METTL22: variants seen among roughly 807,000 people sequenced by gnomAD.
The protein encoded by METTL22 is methyltransferase 22, Kin17 lysine, also known as methyltransferase-like protein 22.
Under a neutral mutation model 48.4 loss-of-function variants are expected in METTL22, and 51 were observed. The ratio of observed to expected loss-of-function variants is 1.05; its 90% CI spans 0.84 to 1.33. The LOEUF is 1.33. METTL22 is among the 40% of genes most tolerant of loss of function. The pLI is 0.00. For synonymous variants in METTL22, 255 were observed against 214.1 expected, an observed-to-expected ratio of 1.19 and a Z score of -1.67; for missense variants, 678 against 526.9, an observed-to-expected ratio of 1.29 and a Z score of -2.81.
the METTL22 span, among the ~76,000 whole-genome samples, chr16:8,665,259 C>A: frequency 2.0e-5 from 3 of 152,140 alleles, no homozygotes; most frequent in Non-Finnish European, 4.4e-5. Context: ...TGAGCCAAGA[C>A]CGCACTGCAG....
chr16:8,660,780 T>TGGAGGTGGAGGAGGA, the METTL22 span, among the ~76,000 whole-genome samples: 1 of 15,746 alleles, frequency 6.4e-5, no homozygotes, highest in African/African-American at 1.5e-4. Context: ...GGGCAAGTCT[T>TGGAGGTGGAGGAGGA]GGAGGAGGAG....
intron 2 of METTL22, among the ~76,000 whole-genome samples, chr16:8,627,863 C>T (rs2056114757): frequency 6.6e-6 from 1 of 152,198 alleles, no homozygotes; most frequent in South Asian, 2.1e-4. Context: ...CCTCCCATCT[C>T]AGCCTCCCAA....
intron 6 of METTL22, among the ~76,000 whole-genome samples, chr16:8,640,490 C>T (rs376870193): frequency 2.2e-5 from 3 of 137,818 alleles, no homozygotes; most frequent in Admixed American, 7.5e-5. Context: ...GAAGAATGGA[C>T]GGATGGATGG....
At chr16:8,650,642 T>A (rs2056881105), downstream of METTL22, among the ~76,000 whole-genome samples, 1 of 152,248 alleles carries the variant, frequency 6.6e-6, no homozygotes, top group African/African-American at 2.4e-5. Flanking sequence ...AGGTGGTGAA[T>A]ACCTCAAATA....
the METTL22 span, among the ~76,000 whole-genome samples, chr16:8,657,353 C>T: frequency 6.6e-6 from 1 of 151,962 alleles, no homozygotes; most frequent in Non-Finnish European, 1.5e-5. Flanking sequence ...ATAATTTGTG[C>T]GTAGTTAAAT....
intron 9 of METTL22, among the ~76,000 whole-genome samples, chr16:8,643,677 G>A (rs569991754): frequency 1.1e-4 from 17 of 152,188 alleles, no homozygotes; most frequent in South Asian, 2.1e-4. Flanking sequence ...GTGATGGTGC[G>A]ATCTCGGCTC....
Position 8,649,296 on chromosome 16 carries a change from T to C in METTL22, c.*3153T>C, listed in dbSNP as rs2056857105. 6.6e-6 allele frequency: 1 copy of C among 152,202 alleles called. No individual in the cohort carries two copies. The highest frequency in any genetic ancestry group is 2.1e-4 in the South Asian group (1 of 4,832). 9.4% of individuals were successfully genotyped at this position (152,202 alleles called of 1,614,324 possible). ...TTCCCAGAGTGGGAGCGCGCCCCCA[T>C]TGCCATGTTTTATGGCCTTGTTTGA... On this transcript the variant is annotated 3_prime_UTR_variant, in exon 11 of 11. Transcript: ENST00000381920.
intron 5 of METTL22, among the ~76,000 whole-genome samples, chr16:8,636,380 C>G (rs939553200): frequency 6.6e-6 from 1 of 152,036 alleles, no homozygotes; most frequent in Admixed American, 6.6e-5. Flanking sequence ...ACTAAAAATA[C>G]AAGAATTAAC....
intron 6 of METTL22, among the ~76,000 whole-genome samples, chr16:8,639,964 C>T (rs1281118022): frequency 1.3e-5 from 2 of 152,146 alleles, no homozygotes; most frequent in African/African-American, 2.4e-5. Flanking sequence ...TTCCCTCTGC[C>T]TGAGTGCTCT....
chr16:8,627,114 A>C (rs938826675), intron 2 of METTL22, among the ~76,000 whole-genome samples: 1 of 151,920 alleles, frequency 6.6e-6, no homozygotes, highest in African/African-American at 2.4e-5. Context: ...TCTCCCACTG[A>C]GTTCACTGCT....
downstream of METTL22, among the ~76,000 whole-genome samples, chr16:8,652,691 T>A (rs1465858230): frequency 6.6e-6 from 1 of 151,554 alleles, no homozygotes; most frequent in East Asian, 1.9e-4. Context: ...AAAAAAAATT[T>A]TTTTAATTTT....
In METTL22 at chr16:8,628,879, A is replaced by G. The variant is rs757691687; in HGVS notation, c.283A>G (p.Asn95Asp). Residue 95 changes from asparagine (N) to aspartate (D), a missense_variant, in exon 3 of 11, where the codon AAT becomes GAT. By Grantham distance (23) the Asn-to-Asp change is conservative. Transcript: ENST00000381920. ...TGSPPGSGHG[N>D]EGFSLQAGTD... ...GTCCCCTCCAGGAAGTGGCCATGGT[A>G]ATGAGGGTTTCTCCCTCCAGGCCGG... The G allele has an allele frequency of 1.3e-5, 21 of 1,613,744 alleles. No homozygotes were observed. Among genetic ancestry groups the G allele is most frequent in the Non-Finnish European group, 1.7e-5 (20 of 1,179,988 alleles).
intron 3 of METTL22, among the ~76,000 whole-genome samples, chr16:8,633,063 G>A (rs1417603071): frequency 6.6e-6 from 1 of 152,210 alleles, no homozygotes; most frequent in East Asian, 1.9e-4. Flanking sequence ...AGGAGGCTAC[G>A]AGCCACACCC....
At chr16:8,657,447 A>G in the METTL22 span, among the ~76,000 whole-genome samples, 3 of 152,200 alleles carry the variant, frequency 2.0e-5, no homozygotes, top group Admixed American at 6.5e-5. Flanking sequence ...AGTTTGCAAA[A>G]CACCAACAAT....
chr16:8,641,233 G>C, intron 7 of METTL22, 49 bp downstream of exon 7: 1 of 1,583,366 alleles, frequency 6.3e-7, no homozygotes, highest in Non-Finnish European at 8.7e-7. Context: ...TGATTCCTTT[G>C]TAATACCTCA....
downstream of METTL22, among the ~76,000 whole-genome samples, chr16:8,652,418 C>T (rs989257595): frequency 6.3e-5 from 9 of 141,996 alleles, no homozygotes; most frequent in East Asian, 6.5e-4. Context: ...GAGATCATGC[C>T]GCTGCACTCC....
In METTL22 at chr16:8,635,236, A is replaced by G. The variant is rs773444853; in HGVS notation, c.624A>G (p.Thr208=). 6.2e-7 allele frequency: 1 copy of G among 1,610,470 alleles called. No homozygotes were observed. Among genetic ancestry groups the G allele is most frequent in the Admixed American group, 1.7e-5 (1 of 59,914 alleles). ...GACAGGACCTCTTCCGAGGATGTAC[A>G]GCGCTGGAGCTCGGGGCCGGCACGG... ...LFRQDLFRGC[T]ALELGAGTGL... The change falls in exon 5 of 11, where the codon ACA becomes ACG. Residue 208 remains threonine, a synonymous_variant. Transcript: ENST00000381920.
rs1224703931 is a variant in METTL22, at chr16:8,628,843, G to A, written c.247G>A (p.Gly83Ser). The A allele has an allele frequency of 6.2e-7, 1 of 1,614,182 alleles. No homozygotes were observed. The highest frequency in any genetic ancestry group is 8.5e-7 in the Non-Finnish European group (1 of 1,180,038). Residue 83 changes from glycine (G) to serine (S), a missense_variant, in exon 3 of 11, where the codon GGC becomes AGC. By Grantham distance (56) the Gly-to-Ser change is moderately conservative (BLOSUM62 0). Coordinates refer to ENST00000381920, the MANE Select transcript of METTL22 (RefSeq NM_024109.4). ...HTKEPPSAET[G>S]STGSPPGSGH... ...AAAGGAGCCTCCTTCTGCTGAGACA[G>A]GCAGCACAGGGTCCCCTCCAGGAAG...
chr16:8,657,757 C>T, the METTL22 span, among the ~76,000 whole-genome samples: 1 of 151,580 alleles, frequency 6.6e-6, no homozygotes, highest in Non-Finnish European at 1.5e-5. Context: ...TCTTGACAGT[C>T]GTCCTGGATT....
Sources: gnomAD v4.1 joint callset for allele counts (sites outside exome capture counted in the v4.1 genomes callset) on GRCh38, gnomAD v4.1.1 for gene constraint, MANE v1.5 for transcripts, NCBI Gene and HGNC (gene_info 2026-07-23, HGNC 2026-07-21) for gene names.